The following CNTNAP5 variants were observed in gnomAD, a reference collection of about 807,000 sequenced individuals.
CNTNAP5 encodes the protein contactin associated protein family member 5.
CNTNAP5 carries 72 observed loss-of-function variants against 150.2 expected under a neutral mutation model. That is an observed-to-expected ratio of 0.48 (90% confidence interval 0.40 to 0.58). The LOEUF is 0.58. Among genes scored for constraint, CNTNAP5 ranks in the 20% least tolerant of loss-of-function variants. CNTNAP5 has a pLI of 0.00. For missense variants in CNTNAP5, 1,636 were observed against 1,626.2 expected (o/e 1.01, Z -0.10); for synonymous variants, 672 against 619.8 (o/e 1.08, Z -1.25).
chr2:124,501,275 A>G (rs1694273357), intron 7 of CNTNAP5, among the ~76,000 whole-genome samples: 1 of 152,258 alleles, frequency 6.6e-6, no homozygotes, highest in Non-Finnish European at 1.5e-5. Flanking sequence ...TTATGTGTAC[A>G]ATTAACTAAT....
intron 23 of CNTNAP5, among the ~76,000 whole-genome samples, chr2:124,913,361 G>A (rs1233202250): frequency 6.6e-6 from 1 of 152,030 alleles, no homozygotes; most frequent in Non-Finnish European, 1.5e-5. Flanking sequence ...GGCAAAGGTA[G>A]GGGTGAGACC....
intron 17 of CNTNAP5, among the ~76,000 whole-genome samples, chr2:124,773,288 C>A (rs1365466488): frequency 6.6e-6 from 1 of 152,066 alleles, no homozygotes; most frequent in Non-Finnish European, 1.5e-5. Context: ...GCCCAGGGAC[C>A]CCTTTTGTTC....
chr2:124,848,128 T>C (rs1411705844), intron 19 of CNTNAP5, among the ~76,000 whole-genome samples: 1 of 152,180 alleles, frequency 6.6e-6, no homozygotes, highest in Non-Finnish European at 1.5e-5. Context: ...TACATTAGAT[T>C]GCCTGAACTT....
intron 19 of CNTNAP5, among the ~76,000 whole-genome samples, chr2:124,823,188 T>A (rs1462663381): frequency 6.6e-6 from 1 of 152,168 alleles, no homozygotes; most frequent in Non-Finnish European, 1.5e-5. Context: ...AGTTGATAAG[T>A]GCAGATATGA....
At chr2:124,430,400 C>T (rs1360712151) in intron 4 of CNTNAP5, among the ~76,000 whole-genome samples, 1 of 152,154 alleles carries the variant, frequency 6.6e-6, no homozygotes, top group African/African-American at 2.4e-5. Context: ...AAAAAAACAT[C>T]TAGAGAATTG....
chr2:124,226,509 A>T (rs745634747), intron 2 of CNTNAP5, among the ~76,000 whole-genome samples: 2 of 152,054 alleles, frequency 1.3e-5, no homozygotes, highest in Non-Finnish European at 2.9e-5. Flanking sequence ...TTAACCCCTT[A>T]TGAGATATTC....
At chr2:124,396,113 C>T (rs1258259227) in intron 3 of CNTNAP5, among the ~76,000 whole-genome samples, 1 of 152,206 alleles carries the variant, frequency 6.6e-6, no homozygotes, top group Non-Finnish European at 1.5e-5. Flanking sequence ...CAAAGCAGAA[C>T]AGGGCCAGCT....
At chr2:124,050,463 C>T (rs1681667183) in intron 1 of CNTNAP5, among the ~76,000 whole-genome samples, 1 of 151,616 alleles carries the variant, frequency 6.6e-6, no homozygotes, top group Non-Finnish European at 1.5e-5. Flanking sequence ...GGCCCTGTCT[C>T]AAAAAATAAT....
rs1355494640 is a variant in CNTNAP5 at position 124,567,878 on chromosome 2, TAGATATAG to T, written c.1756+4557_1756+4564del. Among the ~76,000 whole-genome samples the T allele has an allele frequency of 2.9e-3, 422 of 148,064 alleles. 4 individuals carry two copies. Among genetic ancestry groups the T allele is most frequent in the African/African-American group, 0.011 (404 of 38,084 alleles). On this transcript the variant is annotated intron_variant, in intron 11 of 23. Coordinates refer to ENST00000682447, the MANE Select transcript of CNTNAP5 (RefSeq NM_001367498.1). ...ATAGATAGATAGATAGATAGATAGA[TAGATATAG>T]ATAGATAGATACCATTACAACATAT...
At chr2:124,538,220 C>T (rs1695287773) in intron 10 of CNTNAP5, among the ~76,000 whole-genome samples, 1 of 152,182 alleles carries the variant, frequency 6.6e-6, no homozygotes, top group Non-Finnish European at 1.5e-5. Flanking sequence ...GGCGCAGTGG[C>T]TCATGCCTGT....
intron 7 of CNTNAP5, among the ~76,000 whole-genome samples, chr2:124,485,120 A>T (rs1302398899): frequency 2.6e-5 from 4 of 152,190 alleles, no homozygotes; most frequent in African/African-American, 9.7e-5. Flanking sequence ...TGCAAAAAAA[A>T]AATTATATAA....
Position 124,647,888 on chromosome 2 carries a change from C to G in CNTNAP5, c.2007C>G (p.Ile669Met). The G allele has an allele frequency of 1.2e-6, 2 of 1,612,098 alleles. No homozygotes were observed. The highest frequency in any genetic ancestry group is 1.7e-6 in the Non-Finnish European group (2 of 1,179,230). The change falls in exon 13 of 24, where the codon ATC becomes ATG. Residue 669 changes from isoleucine (I) to methionine (M), a missense_variant. Transcript: ENST00000682447. ...GCATGGAACAGCTGGAGGCCGTGAT[C>G]GACGGCTCTGAGCACTGTGAGCAGG... is the stretch of plus-strand genomic sequence containing the variant. ...GGSMEQLEAV[I>M]DGSEHCEQEV...
chr2:124,195,492 A>C (rs1290583239), intron 1 of CNTNAP5, among the ~76,000 whole-genome samples: 1 of 152,150 alleles, frequency 6.6e-6, no homozygotes, highest in Admixed American at 6.5e-5. Context: ...GATGCAAATG[A>C]GTGGACATGG....
intron 1 of CNTNAP5, among the ~76,000 whole-genome samples, chr2:124,154,912 A>T (rs1684487025): frequency 1.3e-5 from 2 of 152,140 alleles, no homozygotes; most frequent in African/African-American, 4.8e-5. Context: ...CAGAATTTTT[A>T]AAAGCTCACC....
chr2:124,893,075 T>C (rs185688855), intron 21 of CNTNAP5, among the ~76,000 whole-genome samples: 2 of 152,198 alleles, frequency 1.3e-5, no homozygotes, highest in Admixed American at 1.3e-4. Context: ...GTGTATAGAA[T>C]ATAATTTAAA....
rs577590074 is a variant in CNTNAP5, at chr2:124,599,167, C to T, written c.1757-10634C>T. On this transcript the variant is annotated intron_variant, in intron 11 of 23. Transcript: ENST00000682447. ...TCCTATTCGGCCATCTTGGCTCCTC[C>T]CACCTTCAATATTTAAATCTCTGAT... Among the ~76,000 whole-genome samples the T allele has an allele frequency of 1.6e-4, 24 of 152,262 alleles. No homozygotes were observed. The South Asian group carries it at 2.3e-3, about 14-fold the overall frequency.
In CNTNAP5 at chr2:124,396,966, C is replaced by A. The variant is rs151019581; in HGVS notation, c.382-20477C>A. On this transcript the variant is annotated intron_variant, in intron 3 of 23. Transcript: ENST00000682447. ...GTCTTAGAGTCAAATGCAGACAGGG[C>A]TACTGACCAGGAGTTAACACTAAGC... Among the ~76,000 whole-genome samples the A allele has an allele frequency of 1.6e-4, 25 of 152,316 alleles. 1 individual carries two copies. In the East Asian group the frequency reaches 3.9e-3, roughly 24 times the overall value.
chr2:124,157,216 C>T (rs1684567594), intron 1 of CNTNAP5, among the ~76,000 whole-genome samples: 1 of 152,150 alleles, frequency 6.6e-6, no homozygotes, highest in Admixed American at 6.5e-5. Context: ...TCCCTCACAG[C>T]CACCCTCTTC....
intron 6 of CNTNAP5, among the ~76,000 whole-genome samples, chr2:124,451,047 A>ATAT (rs1426752191): frequency 4.1e-5 from 3 of 73,608 alleles, no homozygotes; most frequent in Admixed American, 1.7e-4. Flanking sequence ...AAAAAAAAAA[A>ATAT]AAAAATATAT....
Sources: gnomAD v4.1 joint callset for allele counts (sites outside exome capture counted in the v4.1 genomes callset) on GRCh38, gnomAD v4.1.1 for gene constraint, MANE v1.5 for transcripts, NCBI Gene and HGNC (gene_info 2026-07-23, HGNC 2026-07-21) for gene names.